The following SRP54 variants were observed in gnomAD, a reference collection of about 807,000 sequenced individuals.
SRP54 encodes the protein signal recognition particle subunit SRP54.
Under a neutral mutation model 64.8 loss-of-function variants are expected in SRP54, and 10 were observed. The observed-to-expected ratio is 0.15, with a 90% CI of 0.10 to 0.26. The LOEUF is 0.26. Ranked by LOEUF, SRP54 falls within the 10% of genes least tolerant of loss-of-function variation. The probability of loss-of-function intolerance (pLI) is 1.00; values close to 1 mark genes in which losing one functional copy is unlikely to be tolerated. For synonymous variants in SRP54, 193 were observed against 185.6 expected (o/e 1.04, Z -0.32); for missense variants, 325 against 613.7 (o/e 0.53, Z 4.97).
chr14:35,018,315 A>G (rs1427512304), intron 11 of SRP54, among the ~76,000 whole-genome samples: 1 of 152,166 alleles, frequency 6.6e-6, no homozygotes, highest in Non-Finnish European at 1.5e-5. Context: ...GTGTCTTGCT[A>G]TTCTATATTC....
At chr14:35,014,164 G>A (rs1193626166) in intron 10 of SRP54, among the ~76,000 whole-genome samples, 1 of 152,024 alleles carries the variant, frequency 6.6e-6, no homozygotes, top group African/African-American at 2.4e-5. Context: ...GTGGATGTAA[G>A]GGCAGTAATA....
chr14:34,996,164 G>A (rs1355168480), intron 1 of SRP54, among the ~76,000 whole-genome samples: 3 of 151,896 alleles, frequency 2.0e-5, no homozygotes, highest in African/African-American at 7.3e-5. Flanking sequence ...ATAGCGCTTC[G>A]ATATAGCTGA....
At chr14:35,015,369 C>G (rs927597938) in intron 11 of SRP54, among the ~76,000 whole-genome samples, 5 of 150,872 alleles carry the variant, frequency 3.3e-5, no homozygotes, top group African/African-American at 1.2e-4. Flanking sequence ...AACCACTGTG[C>G]TTGGCCGGTT....
intron 14 of SRP54, among the ~76,000 whole-genome samples, chr14:35,026,808 T>C (rs965214895): frequency 6.6e-6 from 1 of 152,012 alleles, no homozygotes; most frequent in Non-Finnish European, 1.5e-5. Flanking sequence ...CTGGGTGTGG[T>C]GGCTCATGCC....
At position 35,001,006 on chromosome 14, in the gene SRP54, A is replaced by G; in HGVS notation, c.241A>G (p.Lys81Glu). 1 of 1,585,906 alleles carries G rather than the reference A, an allele frequency of 6.3e-7. No individual in the cohort carries two copies. The highest frequency in any genetic ancestry group is 1.4e-5 in the African/African-American group (1 of 73,916). The change falls in exon 4 of 16, where the codon AAA (lysine) becomes GAA (glutamate). Residue 81 changes from lysine (K) to glutamate (E), a missense_variant. Transcript: ENST00000216774. ...KRKMIQHAVFKELVKLVDPGV... is the reference protein window; with the variant it reads ...KRKMIQHAVFEELVKLVDPGV... The stretch of plus-strand genomic sequence containing the variant: ...AAAAATGATTCAGCATGCTGTATTT[A>G]AAGAACTTGTGAAGGTAAAAGTATA...
chr14:35,003,130 A>G (rs997699189), intron 4 of SRP54, among the ~76,000 whole-genome samples: 3 of 152,284 alleles, frequency 2.0e-5, no homozygotes, highest in Non-Finnish European at 1.5e-5. Context: ...TTGAGTACCT[A>G]CTTTATTTCA....
intron 14 of SRP54, among the ~76,000 whole-genome samples, chr14:35,024,662 C>CT (rs11325224): frequency 2.2e-4 from 32 of 144,746 alleles, no homozygotes; most frequent in African/African-American, 2.3e-4. Context: ...TTATTTTTTC[C>CT]TTTTTTTTTT....
At chr14:35,008,968 C>G (rs974705796) in intron 7 of SRP54, 137 bp downstream of exon 7, 2 of 606,594 alleles carry the variant, frequency 3.3e-6, no homozygotes, top group Non-Finnish European at 5.5e-6. Flanking sequence ...CTCACTGCAA[C>G]CACCACCTCC....
intron 4 of SRP54, among the ~76,000 whole-genome samples, 154 bp downstream of exon 4, chr14:35,001,174 C>T (rs2138984178): frequency 9.0e-6 from 1 of 110,680 alleles, no homozygotes; most frequent in African/African-American, 3.0e-5. Context: ...TTCTTAGGGA[C>T]CTTTTTTTTT....
At chr14:35,017,271 C>T (rs1357218431) in intron 11 of SRP54, among the ~76,000 whole-genome samples, 1 of 152,166 alleles carries the variant, frequency 6.6e-6, no homozygotes, top group Non-Finnish European at 1.5e-5. Context: ...TAAGTCTCTA[C>T]ATTTTTGTTT....
rs759339076 is a variant in SRP54, at chr14:35,014,781, C to T, written c.924C>T (p.Asn308=). The T allele has an allele frequency of 6.2e-6, 10 of 1,613,530 alleles. No homozygotes were observed. The Middle Eastern group carries it at 4.9e-4, about 80-fold the overall frequency. ...GDIEGLIDKV[N]ELKLDDNEAL... is the part of the protein sequence containing the mutation. ...TTGAAGGACTGATAGATAAAGTCAA[C>T]GAGTTGAAGTTGGATGACAATGAAG... is the stretch of plus-strand genomic sequence containing the variant. The change falls in exon 11 of 16, where the codon AAC becomes AAT. Residue 308 remains asparagine, a synonymous_variant. Transcript: ENST00000216774.
rs371903080 is a variant in SRP54, at chr14:35,029,162, C to T, written c.*10C>T. 84 of 1,610,078 alleles carry T rather than the reference C, an allele frequency of 5.2e-5. No individual in the cohort carries two copies. Among genetic ancestry groups the T allele is most frequent in the Non-Finnish European group, 6.3e-5 (74 of 1,177,586 alleles). On this transcript the variant is annotated 3_prime_UTR_variant, in exon 16 of 16. Transcript: ENST00000216774. ...ATTCAATAATATGTAAAGAAAATGC[C>T]TTAATATAAACTGACTCAGTTGAAT...
At chr14:35,004,478 C>G (rs1028452860) in intron 4 of SRP54, 4 of 152,148 alleles carry the variant, frequency 2.6e-5, no homozygotes, top group Non-Finnish European at 4.4e-5. Flanking sequence ...GTATAAGATT[C>G]ATTTAAAATG....
At chr14:35,010,387 G>A (rs965467017) in intron 7 of SRP54, among the ~76,000 whole-genome samples, 4 of 151,770 alleles carry the variant, frequency 2.6e-5, no homozygotes, top group Non-Finnish European at 2.9e-5. Flanking sequence ...CAGAGGTTGC[G>A]GTGAGCTGAG....
chr14:35,029,449 T>TA lies in SRP54; in HGVS notation c.*300dup. 4.1e-6 allele frequency: 1 copy of TA among 245,236 alleles called. No individual in the cohort carries two copies. Among genetic ancestry groups the TA allele is most frequent in the Non-Finnish European group, 7.9e-6 (1 of 126,912 alleles). 15.2% of individuals were successfully genotyped at this position (245,236 alleles called of 1,614,324 possible). On this transcript the variant is annotated 3_prime_UTR_variant, in exon 16 of 16. Transcript: ENST00000216774. The stretch of plus-strand genomic sequence containing the variant: ...AATCATGATGTAAAATTTTAGTACT[T>TA]AAAGGTTTTTAATTATCTCGAAGGC...
intron 13 of SRP54, among the ~76,000 whole-genome samples, chr14:35,022,041 T>C (rs1045417486): frequency 3.3e-5 from 5 of 152,204 alleles, no homozygotes; most frequent in Non-Finnish European, 7.3e-5. Flanking sequence ...ATTACTTGAT[T>C]ATAGGAAATA....
intron 15 of SRP54, among the ~76,000 whole-genome samples, chr14:35,028,552 T>A (rs1345261024): frequency 6.6e-6 from 1 of 152,160 alleles, no homozygotes; most frequent in Non-Finnish European, 1.5e-5. Context: ...TGAACCTCAC[T>A]TTCCCCTTCG....
chr14:35,015,765 T>C (rs189847051), intron 11 of SRP54, among the ~76,000 whole-genome samples: 2 of 152,356 alleles, frequency 1.3e-5, no homozygotes, highest in African/African-American at 4.8e-5. Context: ...GCCTCTTTGC[T>C]TCTTCTCACT....
At position 35,010,372 on chromosome 14, in the gene SRP54, G is replaced by C. The variant is rs542626624; in HGVS notation, c.486-1137G>C. On this transcript the variant is annotated intron_variant, in intron 7 of 15. Coordinates refer to ENST00000216774, the MANE Select transcript of SRP54 (RefSeq NM_003136.4). ...GAGGCAAGAGAATTGCTTGAACCCGGGAGGCAGAGGTTGCGGTGAGCTGAG... is the reference window on the plus strand; with the variant it reads ...GAGGCAAGAGAATTGCTTGAACCCGCGAGGCAGAGGTTGCGGTGAGCTGAG... Among the ~76,000 whole-genome samples the C allele has an allele frequency of 5.0e-4, 76 of 152,200 alleles. 1 individual carries two copies. Among genetic ancestry groups the C allele is most frequent in the Non-Finnish European group, 1.0e-3 (71 of 68,010 alleles).
Sources: gnomAD v4.1 joint callset for allele counts (sites outside exome capture counted in the v4.1 genomes callset) on GRCh38, gnomAD v4.1.1 for gene constraint, MANE v1.5 for transcripts, NCBI Gene and HGNC (gene_info 2026-07-23, HGNC 2026-07-21) for gene names.